Variants in ASAP1 observed in about 807,000 individuals in gnomAD.
ASAP1 encodes arf-GAP with SH3 domain, ANK repeat and PH domain-containing protein 1.
Under a neutral mutation model 145.2 loss-of-function variants are expected in ASAP1, and 43 were observed. The observed-to-expected ratio is 0.30, with a 90% CI of 0.23 to 0.38. The LOEUF (loss-of-function observed/expected upper bound fraction) is 0.38, where lower values mean the gene tolerates loss of function less well. ASAP1 is among the 10% of genes least tolerant of loss of function. The pLI is 1.00. For missense variants in ASAP1, 1,018 were observed against 1,355.3 expected, an observed-to-expected ratio of 0.75 and a Z score of 3.91; for synonymous variants, 546 against 515.5, an observed-to-expected ratio of 1.06 and a Z score of -0.80.
intron 26 of ASAP1, among the ~76,000 whole-genome samples, chr8:130,077,364 T>C (rs2097465016): frequency 1.3e-5 from 2 of 152,146 alleles, no homozygotes. Context: ...TGGAAGCCAC[T>C]ATTTTTCTTT....
chr8:130,367,747 A>G (rs1369700471), intron 2 of ASAP1, among the ~76,000 whole-genome samples: 3 of 152,220 alleles, frequency 2.0e-5, no homozygotes, highest in Non-Finnish European at 4.4e-5. Flanking sequence ...CAAAACGCTA[A>G]GAACTGTCTG....
At position 130,060,939 on chromosome 8, in the gene ASAP1, T is replaced by C. The variant is rs2097418224; in HGVS notation, c.2832A>G (p.Thr944=). The change falls in exon 28 of 30, where the codon ACA becomes ACG. Residue 944 remains threonine, a synonymous_variant. Transcript: ENST00000518721. ...CAATTTGGGGCTTGGGGGCCAGTTC[T>C]GTGGGCTTTGGGGGCAGGTCTCCAG... is the stretch of plus-strand genomic sequence containing the variant. ...PPPGDLPPKP[T]ELAPKPQIGD... The C allele has an allele frequency of 3.1e-6, 5 of 1,608,850 alleles. No homozygotes were observed. Among genetic ancestry groups the C allele is most frequent in the Middle Eastern group, 3.3e-4 (2 of 6,026 alleles).
At chr8:130,294,909 G>C (rs1020659764) in intron 3 of ASAP1, among the ~76,000 whole-genome samples, 5 of 152,160 alleles carry the variant, frequency 3.3e-5, no homozygotes, top group African/African-American at 9.6e-5. Context: ...TAAAAAAGAT[G>C]AACAAAGCCA....
chr8:130,053,625 G>C lies in ASAP1; in HGVS notation c.*1106C>G, dbSNP rs1175800014. ...GCACCTGGATTCTACATACAGTAGG[G>C]AAACTGTGTGAAGGGTTGACTTTTA... On this transcript the variant is annotated 3_prime_UTR_variant, in exon 30 of 30. Coordinates refer to ENST00000518721, the MANE Select transcript of ASAP1 (RefSeq NM_018482.4). 1 of 152,204 alleles carries C rather than the reference G, an allele frequency of 6.6e-6. No individual in the cohort carries two copies. The highest frequency in any genetic ancestry group is 1.9e-4 in the East Asian group (1 of 5,202). 9.4% of individuals were successfully genotyped at this position (152,204 alleles called of 1,614,324 possible). A position where few individuals can be genotyped will look rare whatever the true frequency, so the allele number is the denominator to read the frequency against.
chr8:130,153,332 AATATATAT>A (rs67554567), intron 12 of ASAP1, among the ~76,000 whole-genome samples: 8 of 87,516 alleles, frequency 9.1e-5, no homozygotes, highest in East Asian at 3.3e-4. Context: ...CTGCTTTTTA[AATATATAT>A]ATATATATAT....
At position 130,309,317 on chromosome 8, in the gene ASAP1, A is replaced by G. The variant is rs16904246; in HGVS notation, c.186+48700T>C. 4.0e-3 allele frequency among the ~76,000 whole-genome samples: 614 copies of G among 152,336 alleles called. 1 individual carries two copies. Among genetic ancestry groups the G allele is most frequent in the African/African-American group, 0.014 (585 of 41,566 alleles). ...CTAAGACAGAGGTACACAATTTCCT[A>G]TAAAACAACAGAGGAGAAAAACTAA... On this transcript the variant is annotated intron_variant, in intron 3 of 29. Transcript: ENST00000518721.
At position 130,134,200 on chromosome 8, in the gene ASAP1, G is replaced by T. The variant is rs577258627; in HGVS notation, c.1217+96C>A. 18 of 971,404 alleles carry T rather than the reference G, an allele frequency of 1.9e-5. No homozygotes were observed. The East Asian group carries it at 4.6e-4, about 25-fold the overall frequency. 60.2% of individuals were successfully genotyped at this position (971,404 alleles called of 1,614,324 possible). A position where few individuals can be genotyped will look rare whatever the true frequency, so the allele number is the denominator to read the frequency against. ...AAGAAGCATGGAGCCACCAGGCGAGGTTCTTACAAATGAAAAGAAAATGTT... is the reference window on the plus strand; with the variant it reads ...AAGAAGCATGGAGCCACCAGGCGAGTTTCTTACAAATGAAAAGAAAATGTT... On this transcript the variant is annotated intron_variant, in intron 15 of 29. Coordinates refer to ENST00000518721, the MANE Select transcript of ASAP1 (RefSeq NM_018482.4).
chr8:130,131,595 T>G (rs561769507), intron 15 of ASAP1, among the ~76,000 whole-genome samples: 2 of 102,028 alleles, frequency 2.0e-5, no homozygotes, highest in Admixed American at 1.4e-4. Flanking sequence ...CAAGACCTCA[T>G]GGCTACTGAA....
At chr8:130,150,355 A>C (rs922255522) in intron 13 of ASAP1, among the ~76,000 whole-genome samples, 1 of 152,212 alleles carries the variant, frequency 6.6e-6, no homozygotes, top group African/African-American at 2.4e-5. Context: ...ATTTTTAGCA[A>C]ATTGCCCAAG....
At chr8:130,103,628 G>A (rs997328197) in intron 24 of ASAP1, among the ~76,000 whole-genome samples, 4 of 152,102 alleles carry the variant, frequency 2.6e-5, no homozygotes, top group African/African-American at 9.6e-5. Flanking sequence ...TCAGCCTCCC[G>A]AGTAGCTGGG....
chr8:130,276,720 A>ACTCT (rs1263231372), intron 3 of ASAP1, among the ~76,000 whole-genome samples: 13 of 117,600 alleles, frequency 1.1e-4, no homozygotes, highest in African/African-American at 3.3e-4. Context: ...ACACACACAC[A>ACTCT]CACACACACT....
At chr8:130,151,332 C>T (rs2097645738) in intron 13 of ASAP1, among the ~76,000 whole-genome samples, 1 of 128,244 alleles carries the variant, frequency 7.8e-6, no homozygotes, top group Non-Finnish European at 1.6e-5. Context: ...GACTGCACCA[C>T]TGCACTCCAG....
At chr8:130,161,490 C>T (rs962904786) in intron 11 of ASAP1, among the ~76,000 whole-genome samples, 1 of 152,038 alleles carries the variant, frequency 6.6e-6, no homozygotes, top group African/African-American at 2.4e-5. Flanking sequence ...TATTAAGGAC[C>T]CTGAGTATAC....
intron 3 of ASAP1, among the ~76,000 whole-genome samples, chr8:130,271,054 C>G (rs1230990034): frequency 6.6e-6 from 1 of 152,206 alleles, no homozygotes; most frequent in African/African-American, 2.4e-5. Context: ...CTCCTGGTCC[C>G]CAAGGATGGC....
intron 3 of ASAP1, among the ~76,000 whole-genome samples, chr8:130,332,422 C>A (rs917742246): frequency 9.9e-5 from 15 of 152,146 alleles, no homozygotes; most frequent in African/African-American, 3.6e-4. Context: ...ATGATCATTT[C>A]TGTGATTATG....
At chr8:130,370,434 C>A (rs1827161432) in intron 2 of ASAP1, among the ~76,000 whole-genome samples, 1 of 152,206 alleles carries the variant, frequency 6.6e-6, no homozygotes. Context: ...CATGCTGGTA[C>A]CCTGATCTCA....
intron 24 of ASAP1, among the ~76,000 whole-genome samples, chr8:130,093,740 C>T (rs980295091): frequency 6.8e-6 from 1 of 147,592 alleles, no homozygotes; most frequent in Non-Finnish European, 1.5e-5. Context: ...TTAGTAGATA[C>T]CTAGTAATCC....
chr8:130,435,090 C>T (rs1830265635), intron 1 of ASAP1, among the ~76,000 whole-genome samples: 1 of 152,176 alleles, frequency 6.6e-6, no homozygotes, highest in South Asian at 2.1e-4. Context: ...GAGGCTCCTA[C>T]ACTTCCATAC....
chr8:130,114,868 G>A (rs1403371679), intron 23 of ASAP1, among the ~76,000 whole-genome samples: 1 of 150,400 alleles, frequency 6.6e-6, no homozygotes, highest in Non-Finnish European at 1.5e-5. Context: ...TCAAACTCCT[G>A]GGCTCAAGCA....
Sources: allele counts gnomAD v4.1 joint callset (sites outside exome capture counted in the v4.1 genomes callset), GRCh38; gene constraint gnomAD v4.1.1; transcripts MANE v1.5; gene names NCBI Gene and HGNC (gene_info 2026-07-23, HGNC 2026-07-21).